Variants in MYCBP observed in about 807,000 individuals in gnomAD.
MYCBP encodes the protein MYC binding protein, also known as C-Myc-binding protein.
Under a neutral mutation model 16.8 loss-of-function variants are expected in MYCBP, and 5 were observed. That is an observed-to-expected ratio of 0.30 (90% CI 0.16 to 0.63). MYCBP has a LOEUF of 0.63. MYCBP is among the 20% of genes least tolerant of loss of function. The pLI is 0.83. For missense variants in MYCBP, 103 were observed against 121.8 expected, an observed-to-expected ratio of 0.85 and a Z score of 0.73; for synonymous variants, 35 against 43.7, an observed-to-expected ratio of 0.80 and a Z score of 0.79.
intron 2 of MYCBP, 40 bp from the exon 3 acceptor site, chr1:38,867,650 TA>T: frequency 6.4e-7 from 1 of 1,566,836 alleles, no homozygotes; most frequent in Non-Finnish European, 8.8e-7. Context: ...ATTGACGTAT[TA>T]AATTTGAATG....
chr1:38,864,862 C>T, intron 4 of MYCBP, 148 bp from the exon 5 acceptor site: 1 of 723,188 alleles, frequency 1.4e-6, no homozygotes. Context: ...TTAAATCATT[C>T]AGTGATTTAA....
At chr1:38,873,356 T>G (rs1362532514), upstream of MYCBP, 15 of 1,587,748 alleles carry the variant, frequency 9.4e-6, no homozygotes, top group Non-Finnish European at 1.2e-5. Context: ...ACTGGCGGGT[T>G]GGGAGCAGCA....
intron 2 of MYCBP, among the ~76,000 whole-genome samples, chr1:38,870,519 C>T (rs1570888425): frequency 6.6e-6 from 1 of 151,788 alleles, no homozygotes; most frequent in Non-Finnish European, 1.5e-5. Flanking sequence ...AGAGGCCGGG[C>T]GCGGTGGCTC....
At chr1:38,869,140 G>A (rs1263785181) in intron 2 of MYCBP, among the ~76,000 whole-genome samples, 1 of 149,744 alleles carries the variant, frequency 6.7e-6, no homozygotes, top group Non-Finnish European at 1.5e-5. Context: ...CCAGGCTGGA[G>A]TGCAATGGCA....
chr1:38,865,103 A>T (rs1261368714), intron 4 of MYCBP, among the ~76,000 whole-genome samples: 1 of 152,260 alleles, frequency 6.6e-6, no homozygotes. Context: ...ACATGTCTTA[A>T]CTTAACCAGC....
intron 3 of MYCBP, 102 bp from the exon 4 acceptor site, chr1:38,867,111 C>G: frequency 2.8e-6 from 3 of 1,084,244 alleles, no homozygotes; most frequent in Non-Finnish European, 4.0e-6. Flanking sequence ...CACTTTACCA[C>G]CAATATCTAC....
At chr1:38,868,671 C>T (rs867142109) in intron 2 of MYCBP, among the ~76,000 whole-genome samples, 2 of 152,074 alleles carry the variant, frequency 1.3e-5, no homozygotes, top group Middle Eastern at 3.2e-3. Flanking sequence ...TTTGGGAGGC[C>T]AAGGCGGGCA....
chr1:38,866,830 A>G, intron 4 of MYCBP, 50 bp downstream of exon 4: 3 of 1,368,546 alleles, frequency 2.2e-6, no homozygotes, highest in Non-Finnish European at 3.0e-6. Flanking sequence ...TTCATCATAC[A>G]ATTATTACAG....
Position 38,866,978 on chromosome 1 carries a change from G to C in MYCBP, c.169C>G (p.Pro57Ala). The stretch of plus-strand genomic sequence containing the variant: ...AGCAGCTCTATTTCTGGATTTTCTG[G>C]AGTAGCAGCTCCTAAGTGATGCTTT... Reference protein sequence around the residue: ...FLKHHLGAATPENPEIELLRL... With the variant: ...FLKHHLGAATAENPEIELLRL... The change falls in exon 4 of 5, where the codon CCA becomes GCA. Residue 57 changes from proline to alanine, a missense_variant. Transcript: ENST00000397572. 1 of 1,611,304 alleles carries C rather than the reference G, an allele frequency of 6.2e-7. No homozygotes were observed. Among genetic ancestry groups the C allele is most frequent in the Non-Finnish European group, 8.5e-7 (1 of 1,178,648 alleles).
At chr1:38,869,421 C>T (rs942296478) in intron 2 of MYCBP, among the ~76,000 whole-genome samples, 1 of 152,246 alleles carries the variant, frequency 6.6e-6, no homozygotes, top group Middle Eastern at 3.4e-3. Flanking sequence ...AATATTAATA[C>T]TCTACTCTCT....
At chr1:38,868,005 G>A (rs1642374979) in intron 2 of MYCBP, among the ~76,000 whole-genome samples, 1 of 152,230 alleles carries the variant, frequency 6.6e-6, no homozygotes, top group African/African-American at 2.4e-5. Context: ...GAAAATTCAA[G>A]TATGGCTGGA....
Position 38,864,808 on chromosome 1 carries a change from C to T in MYCBP, c.268-94G>A, listed in dbSNP as rs527601899. The T allele has an allele frequency of 1.6e-5, 18 of 1,136,578 alleles. No homozygotes were observed. The African/African-American group carries it at 2.5e-4, about 16-fold the overall frequency. The allele number at this position is 1,136,578 out of a possible 1,614,324, so 70.4% of individuals were successfully genotyped here. ...GTAACTGTTATATTCAACTTAGTTA[C>T]TGTCAGTAAATTGTATTAATATCAG... On this transcript the variant is annotated intron_variant, in intron 4 of 4. Coordinates refer to ENST00000397572, the MANE Select transcript of MYCBP (RefSeq NM_012333.5).
In MYCBP at chr1:38,866,980, G is replaced by A. The variant is rs1341724858; in HGVS notation, c.167C>T (p.Thr56Ile). 6.2e-7 allele frequency: 1 copy of A among 1,611,220 alleles called. No individual in the cohort carries two copies. The highest frequency in any genetic ancestry group is 8.5e-7 in the Non-Finnish European group (1 of 1,178,626). Residue 56 changes from threonine to isoleucine, a missense_variant, in exon 4 of 5, where the codon ACT (threonine) becomes ATT (isoleucine). Coordinates refer to ENST00000397572, the MANE Select transcript of MYCBP (RefSeq NM_012333.5). ...DFLKHHLGAA[T>I]PENPEIELLR... ...CAGCTCTATTTCTGGATTTTCTGGA[G>A]TAGCAGCTCCTAAGTGATGCTTTAA...
At chr1:38,869,678 A>T (rs1642419032) in intron 2 of MYCBP, among the ~76,000 whole-genome samples, 1 of 152,170 alleles carries the variant, frequency 6.6e-6, no homozygotes, top group Non-Finnish European at 1.5e-5. Context: ...CTTCCAAATG[A>T]TTTATCATCT....
intron 2 of MYCBP, among the ~76,000 whole-genome samples, chr1:38,869,393 C>G (rs1642414060): frequency 6.6e-6 from 1 of 152,048 alleles, no homozygotes; most frequent in Non-Finnish European, 1.5e-5. Flanking sequence ...TGGCCAAATC[C>G]TCATTTTATA....
chr1:38,872,090 T>C lies in MYCBP; in HGVS notation c.88+928A>G, dbSNP rs185639947. Among the ~76,000 whole-genome samples, 34 of 152,358 alleles carry C rather than the reference T, an allele frequency of 2.2e-4. No homozygotes were observed. The East Asian group carries it at 6.0e-3, about 27-fold the overall frequency. ...ATTCAAAATTACTAGCCTTCTTTCT[T>C]CTAAGACCCAGGAGTTATGCTCCTA... is the stretch of plus-strand genomic sequence containing the variant. On this transcript the variant is annotated intron_variant, in intron 2 of 4. Transcript: ENST00000397572.
At chr1:38,867,164 T>C (rs745682117) in intron 3 of MYCBP, among the ~76,000 whole-genome samples, 155 bp from the exon 4 acceptor site, 6 of 152,190 alleles carry the variant, frequency 3.9e-5, no homozygotes, top group Non-Finnish European at 7.3e-5. Flanking sequence ...CTAACTTTCT[T>C]GGCCAGGTGC....
chr1:38,869,179 C>G (rs1642406933), intron 2 of MYCBP, among the ~76,000 whole-genome samples: 1 of 151,416 alleles, frequency 6.6e-6, no homozygotes, highest in South Asian at 2.1e-4. Flanking sequence ...ACCCCCGCCT[C>G]CCAGGTTCAA....
At chr1:38,867,897 G>T (rs1348375075) in intron 2 of MYCBP, among the ~76,000 whole-genome samples, 1 of 152,184 alleles carries the variant, frequency 6.6e-6, no homozygotes, top group Non-Finnish European at 1.5e-5. Context: ...CATCAGGGAA[G>T]GCTTCCTAAA....
Sources: allele counts gnomAD v4.1 joint callset (sites outside exome capture counted in the v4.1 genomes callset), GRCh38; gene constraint gnomAD v4.1.1; transcripts MANE v1.5; gene names NCBI Gene and HGNC (gene_info 2026-07-23, HGNC 2026-07-21).